The following EXOC6B variants were observed in gnomAD, a reference collection of about 807,000 sequenced individuals.
EXOC6B encodes SEC15 homolog B.
Under a neutral mutation model 113.5 loss-of-function variants are expected in EXOC6B, and 54 were observed. The observed-to-expected ratio is 0.48, with a 90% confidence interval of 0.38 to 0.60. The LOEUF (loss-of-function observed/expected upper bound fraction) is 0.60. EXOC6B is among the 20% of genes least tolerant of loss of function. EXOC6B has a pLI of 0.00. For synonymous variants in EXOC6B, 357 were observed against 339.0 expected (o/e 1.05, Z -0.58); for missense variants, 797 against 977.5 (o/e 0.82, Z 2.46).
intron 6 of EXOC6B, among the ~76,000 whole-genome samples, chr2:72,579,464 G>A (rs1345801048): frequency 5.3e-5 from 8 of 152,118 alleles, no homozygotes; most frequent in Non-Finnish European, 2.9e-5. Context: ...GGTAACAAAA[G>A]GGAATTCATG....
In EXOC6B at chr2:72,492,331, A is replaced by T; in HGVS notation, c.1652T>A (p.Ile551Asn). ...SLQNVIKRKN[I>N]GLTELVQIII... ...GAGCAGGTTTACCTCAGTAAGCCCA[A>T]TATTCTTCCTTTTAATTACATTCTG... The change falls in exon 16 of 22, where the codon ATT becomes AAT. Residue 551 changes from isoleucine to asparagine, a missense_variant. Ile to Asn is a moderately radical substitution (Grantham distance 149). Transcript: ENST00000272427. 3 of 1,611,306 alleles carry T rather than the reference A, an allele frequency of 1.9e-6. No homozygotes were observed. Among genetic ancestry groups the T allele is most frequent in the Non-Finnish European group, 2.5e-6 (3 of 1,177,724 alleles).
At chr2:72,273,465 T>G (rs1684623644) in intron 20 of EXOC6B, among the ~76,000 whole-genome samples, 1 of 152,136 alleles carries the variant, frequency 6.6e-6, no homozygotes, top group Non-Finnish European at 1.5e-5. Context: ...CAGTATAGTA[T>G]GATATGCTGC....
At chr2:72,180,938 G>A (rs907030980) in intron 21 of EXOC6B, among the ~76,000 whole-genome samples, 7 of 152,076 alleles carry the variant, frequency 4.6e-5, no homozygotes, top group Non-Finnish European at 1.0e-4. Flanking sequence ...GGCTGGGCGC[G>A]GTAGCTCACG....
At chr2:72,686,885 T>A (rs1035427181) in intron 6 of EXOC6B, among the ~76,000 whole-genome samples, 2 of 152,134 alleles carry the variant, frequency 1.3e-5, no homozygotes, top group Non-Finnish European at 2.9e-5. Context: ...ATGTCTGTAA[T>A]CCCAGCACTT....
intron 18 of EXOC6B, among the ~76,000 whole-genome samples, chr2:72,458,678 G>A (rs928561506): frequency 3.9e-5 from 6 of 152,052 alleles, no homozygotes; most frequent in Admixed American, 2.0e-4. Flanking sequence ...AAACAAAAGA[G>A]GGGGAAATAA....
intron 6 of EXOC6B, among the ~76,000 whole-genome samples, chr2:72,606,351 C>G (rs971677624): frequency 7.2e-5 from 11 of 152,032 alleles, no homozygotes; most frequent in African/African-American, 2.7e-4. Flanking sequence ...CAAGTACACA[C>G]ACACATACAA....
intron 6 of EXOC6B, among the ~76,000 whole-genome samples, chr2:72,659,199 A>G (rs374549849): frequency 1.1e-4 from 16 of 152,266 alleles, no homozygotes; most frequent in African/African-American, 3.1e-4. Flanking sequence ...AACAGCCTAA[A>G]ATGAGATATT....
intron 1 of EXOC6B, among the ~76,000 whole-genome samples, chr2:72,793,539 G>A (rs955523362): frequency 2.6e-5 from 4 of 152,014 alleles, no homozygotes; most frequent in African/African-American, 9.6e-5. Context: ...ATATGAACAG[G>A]TATGGTCTTT....
intron 5 of EXOC6B, among the ~76,000 whole-genome samples, chr2:72,718,876 T>A (rs1249149299): frequency 6.6e-6 from 1 of 152,058 alleles, no homozygotes; most frequent in Admixed American, 6.6e-5. Context: ...AAATAAAGAA[T>A]GATTGTCTCA....
intron 20 of EXOC6B, among the ~76,000 whole-genome samples, chr2:72,266,836 T>C (rs1465311577): frequency 6.6e-6 from 1 of 152,198 alleles, no homozygotes; most frequent in Non-Finnish European, 1.5e-5. Context: ...AATTTATAAA[T>C]TACCTTGGGC....
intron 1 of EXOC6B, among the ~76,000 whole-genome samples, chr2:72,794,090 T>C (rs1203594134): frequency 6.6e-6 from 1 of 152,238 alleles, no homozygotes; most frequent in Non-Finnish European, 1.5e-5. Flanking sequence ...GCCATGTTTT[T>C]CAGTACACTC....
chr2:72,447,549 G>A (rs1696662025), intron 18 of EXOC6B, among the ~76,000 whole-genome samples: 1 of 152,104 alleles, frequency 6.6e-6, no homozygotes. Flanking sequence ...TAAATGCAGG[G>A]CCAGAATAAA....
intron 18 of EXOC6B, among the ~76,000 whole-genome samples, chr2:72,407,295 A>G (rs1693845990): frequency 6.6e-6 from 1 of 152,334 alleles, no homozygotes; most frequent in African/African-American, 2.4e-5. Flanking sequence ...TACAAGGAGG[A>G]GCTGGTACCA....
chr2:72,822,247 G>A (rs1332236428), intron 1 of EXOC6B, among the ~76,000 whole-genome samples: 1 of 152,116 alleles, frequency 6.6e-6, no homozygotes, highest in Admixed American at 6.5e-5. Context: ...AAACAGGACA[G>A]GCAGGCTTTA....
intron 6 of EXOC6B, among the ~76,000 whole-genome samples, chr2:72,695,018 A>G (rs1677770034): frequency 6.6e-6 from 1 of 152,232 alleles, no homozygotes; most frequent in African/African-American, 2.4e-5. Flanking sequence ...CCGCTACTCC[A>G]CAAGCAATTA....
At chr2:72,757,739 T>G (rs1215858422) in intron 1 of EXOC6B, among the ~76,000 whole-genome samples, 2 of 152,160 alleles carry the variant, frequency 1.3e-5, no homozygotes, top group African/African-American at 4.8e-5. Flanking sequence ...AAATGAAAAC[T>G]CCTTCTCAGG....
chr2:72,217,653 C>T (rs1680622304), intron 20 of EXOC6B, among the ~76,000 whole-genome samples: 1 of 152,126 alleles, frequency 6.6e-6, no homozygotes, highest in African/African-American at 2.4e-5. Context: ...GAGGGCCAGA[C>T]ACAAGAGTGG....
intron 6 of EXOC6B, among the ~76,000 whole-genome samples, chr2:72,709,474 G>C (rs878993719): frequency 2.6e-5 from 4 of 152,110 alleles, no homozygotes; most frequent in Admixed American, 6.6e-5. Flanking sequence ...ACGTGGCAGG[G>C]GTCGAGGGTT....
intron 1 of EXOC6B, among the ~76,000 whole-genome samples, chr2:72,810,876 A>G (rs1685873340): frequency 6.6e-6 from 1 of 152,112 alleles, no homozygotes; most frequent in Non-Finnish European, 1.5e-5. Context: ...TGACATGGCA[A>G]AGCCCTGACA....
Sources: gnomAD v4.1 joint callset for allele counts (sites outside exome capture counted in the v4.1 genomes callset) on GRCh38, gnomAD v4.1.1 for gene constraint, MANE v1.5 for transcripts, NCBI Gene and HGNC (gene_info 2026-07-23, HGNC 2026-07-21) for gene names.